HPSE2: variants seen among roughly 807,000 people sequenced by gnomAD.
The protein encoded by HPSE2 is inactive heparanase-2.
A neutral mutation model predicts 60.5 loss-of-function variants in HPSE2; 38 were observed. That is an observed-to-expected ratio of 0.63 (90% CI 0.48 to 0.82). HPSE2 has a LOEUF of 0.82. Among genes scored for constraint, HPSE2 ranks in the 40% least tolerant of loss-of-function variants. The pLI is 0.00. For synonymous variants in HPSE2, 295 were observed against 293.2 expected (o/e 1.01, Z -0.06); for missense variants, 713 against 740.4 (o/e 0.96, Z 0.43).
At chr10:98,733,502 G>A (rs766678732) in intron 4 of HPSE2, among the ~76,000 whole-genome samples, 4 of 151,998 alleles carry the variant, frequency 2.6e-5, no homozygotes, top group Non-Finnish European at 4.4e-5. Context: ...ATAACCATAG[G>A]GCAGTAGAAA....
the HPSE2 span, among the ~76,000 whole-genome samples, chr10:99,246,147 G>T: frequency 6.6e-6 from 1 of 152,088 alleles, no homozygotes; most frequent in South Asian, 2.1e-4. Context: ...GTTGTTGAAA[G>T]AAAAAGAAAA....
chr10:99,156,552 C>G lies in HPSE2; in HGVS notation c.449-12153G>C, dbSNP rs1359506408. Among the ~76,000 whole-genome samples, 465 of 130,654 alleles carry G rather than the reference C, an allele frequency of 3.6e-3. 4 individuals are homozygous for G. Among genetic ancestry groups the G allele is most frequent in the African/African-American group, 0.01 (400 of 39,180 alleles). 85.7% of individuals were successfully genotyped at this position (130,654 alleles called of 152,430 possible). A position where few individuals can be genotyped will look rare whatever the true frequency, so the allele number is the denominator to read the frequency against. ...AAAGCCTTTGACAAAATTCAACAAC[C>G]CTTCATGCTAAAAACTCTCAATACA... On this transcript the variant is annotated intron_variant, in intron 2 of 11. Coordinates refer to ENST00000370552, the MANE Select transcript of HPSE2 (RefSeq NM_021828.5).
At chr10:98,888,942 G>A (rs994818970) in intron 3 of HPSE2, among the ~76,000 whole-genome samples, 3 of 152,050 alleles carry the variant, frequency 2.0e-5, no homozygotes, top group African/African-American at 7.2e-5. Context: ...TATAATTCTG[G>A]CATTTTGGGA....
chr10:99,043,623 G>A (rs1934425970), intron 3 of HPSE2, among the ~76,000 whole-genome samples: 1 of 152,148 alleles, frequency 6.6e-6, no homozygotes. Context: ...AAGGAATGCA[G>A]TAAAATGATC....
At chr10:98,622,063 C>T (rs1441111489) in intron 7 of HPSE2, among the ~76,000 whole-genome samples, 1 of 152,186 alleles carries the variant, frequency 6.6e-6, no homozygotes. Flanking sequence ...AATGAGAATT[C>T]TTTCTATGTC....
In HPSE2 at chr10:98,459,396, C is replaced by T; in HGVS notation, c.*178G>A. On this transcript the variant is annotated 3_prime_UTR_variant, in exon 12 of 12. Transcript: ENST00000370552. The stretch of plus-strand genomic sequence containing the variant: ...TTCCTTTGGGATGGATGTGGCCTAC[C>T]TAGGCTAAGATCACGCTATGACATT... 1 of 736,948 alleles carries T rather than the reference C, an allele frequency of 1.4e-6. No individual in the cohort carries two copies. Among genetic ancestry groups the T allele is most frequent in the South Asian group, 1.6e-5 (1 of 63,968 alleles). 45.7% of individuals were successfully genotyped at this position (736,948 alleles called of 1,614,324 possible).
intron 6 of HPSE2, among the ~76,000 whole-genome samples, chr10:98,676,136 C>T (rs936193771): frequency 2.0e-5 from 3 of 152,034 alleles, no homozygotes; most frequent in Non-Finnish European, 2.9e-5. Context: ...AACATCCATA[C>T]ATTTAACACA....
chr10:98,959,697 G>C (rs1482810247), intron 3 of HPSE2, among the ~76,000 whole-genome samples: 1 of 152,106 alleles, frequency 6.6e-6, no homozygotes, highest in Non-Finnish European at 1.5e-5. Flanking sequence ...CATCTGCGGA[G>C]GCATTTATAG....
At chr10:98,516,559 C>T (rs1271067821) in intron 9 of HPSE2, among the ~76,000 whole-genome samples, 1 of 152,156 alleles carries the variant, frequency 6.6e-6, no homozygotes, top group Non-Finnish European at 1.5e-5. Context: ...AAATTCAGAG[C>T]CACTACTGCC....
At chr10:98,935,428 A>C (rs1954760584) in intron 3 of HPSE2, among the ~76,000 whole-genome samples, 1 of 143,444 alleles carries the variant, frequency 7.0e-6, no homozygotes, top group Admixed American at 6.9e-5. Flanking sequence ...GGATTTATCT[A>C]CCTTTGATCT....
intron 3 of HPSE2, among the ~76,000 whole-genome samples, chr10:99,033,101 T>C (rs1401254226): frequency 6.6e-6 from 1 of 152,176 alleles, no homozygotes; most frequent in Non-Finnish European, 1.5e-5. Context: ...TTCCAGCTAC[T>C]ACAACACTGA....
chr10:99,252,598 C>G, the HPSE2 span, among the ~76,000 whole-genome samples: 1 of 152,084 alleles, frequency 6.6e-6, no homozygotes, highest in African/African-American at 2.4e-5. Context: ...AAATACCGGC[C>G]AGGCGCAGTG....
At chr10:99,184,247 G>A (rs913426203) in intron 2 of HPSE2, among the ~76,000 whole-genome samples, 9 of 151,966 alleles carry the variant, frequency 5.9e-5, no homozygotes, top group South Asian at 2.1e-4. Context: ...AAAAGCAGCC[G>A]GGCATGGTGG....
At chr10:98,944,821 A>T (rs1270413589) in intron 3 of HPSE2, among the ~76,000 whole-genome samples, 4 of 152,038 alleles carry the variant, frequency 2.6e-5, no homozygotes, top group Non-Finnish European at 5.9e-5. Flanking sequence ...GACCTTTTTA[A>T]GTTTTTACAT....
At chr10:99,158,362 A>G (rs920465412) in intron 2 of HPSE2, among the ~76,000 whole-genome samples, 2 of 110,436 alleles carry the variant, frequency 1.8e-5, no homozygotes, top group African/African-American at 6.1e-5. Flanking sequence ...CCAAGTGTCC[A>G]ACAATGATAG....
the HPSE2 span, among the ~76,000 whole-genome samples, chr10:99,278,340 T>A: frequency 2.0e-5 from 3 of 152,182 alleles, no homozygotes; most frequent in African/African-American, 7.2e-5. Context: ...TAATAATTTT[T>A]AAAAAATAAA....
At position 98,680,713 on chromosome 10, in the gene HPSE2, GA is replaced by G. The variant is rs765584675; in HGVS notation, c.1004+13186del. ...AGCAAAATATGGTTGTTGTCTTGAG[GA>G]AAAGCACTTGTATGATTGAGCTGCA... On this transcript the variant is annotated intron_variant, in intron 6 of 11. Transcript: ENST00000370552. 3.3e-5 allele frequency among the ~76,000 whole-genome samples: 5 copies of G among 152,196 alleles called. 1 individual carries two copies. In the East Asian group the frequency reaches 5.8e-4, roughly 18 times the overall value.
chr10:98,481,454 T>A (rs536373956), intron 11 of HPSE2, among the ~76,000 whole-genome samples: 1 of 152,188 alleles, frequency 6.6e-6, no homozygotes, highest in Non-Finnish European at 1.5e-5. Context: ...ACACTCATCA[T>A]GAACTACTCA....
rs554267108 is a variant in HPSE2, at chr10:98,737,449, G to A, written c.784+6434C>T. On this transcript the variant is annotated intron_variant, in intron 4 of 11. Transcript: ENST00000370552. ...TAGACAGTGGGTGCAGCCCAGTGTTGTATCTGGGCCAGCAAGCACTATCCA... is the reference window on the plus strand; with the variant it reads ...TAGACAGTGGGTGCAGCCCAGTGTTATATCTGGGCCAGCAAGCACTATCCA... Among the ~76,000 whole-genome samples, 3 of 108,950 alleles carry A rather than the reference G, an allele frequency of 2.8e-5. No individual in the cohort carries two copies. In the South Asian group the frequency reaches 8.5e-4, roughly 31 times the overall value. The allele number at this position is 108,950 out of a possible 152,430, so 71.5% of individuals were successfully genotyped here.
Sources: allele counts gnomAD v4.1 joint callset (sites outside exome capture counted in the v4.1 genomes callset), GRCh38; gene constraint gnomAD v4.1.1; transcripts MANE v1.5; gene names NCBI Gene and HGNC (gene_info 2026-07-23, HGNC 2026-07-21).